ACACA: variants seen among roughly 807,000 people sequenced by gnomAD.
The protein encoded by ACACA is acetyl-CoA carboxylase 1.
In ACACA, 103 loss-of-function variants were observed where a neutral mutation model predicts 296.1. That is an observed-to-expected ratio of 0.35 (90% confidence interval 0.30 to 0.41). The LOEUF is 0.41. Among genes scored for constraint, ACACA ranks in the 10% least tolerant of loss-of-function variants. ACACA has a pLI of 1.00. For synonymous variants in ACACA, 953 were observed against 1,038.6 expected (o/e 0.92, Z 1.58); for missense variants, 1,554 against 2,989.7 (o/e 0.52, Z 11.20).
intron 16 of ACACA, among the ~76,000 whole-genome samples, chr17:37,249,705 G>C (rs1056478494): frequency 1.3e-5 from 2 of 152,164 alleles, no homozygotes; most frequent in African/African-American, 2.4e-5. Context: ...AGTTAAAAAA[G>C]CAAGGTAAAT....
intron 11 of ACACA, among the ~76,000 whole-genome samples, 164 bp from the exon 12 acceptor site, chr17:37,259,694 G>C (rs1598337526): frequency 6.6e-6 from 1 of 151,946 alleles, no homozygotes; most frequent in Non-Finnish European, 1.5e-5. Flanking sequence ...CCTGGACAAG[G>C]ATGAAAAACT....
At chr17:37,227,776 C>T (rs553403138) in intron 25 of ACACA, among the ~76,000 whole-genome samples, 2 of 149,196 alleles carry the variant, frequency 1.3e-5, no homozygotes, top group East Asian at 2.0e-4. Context: ...AGGAGAATGG[C>T]GTGAACCCGG....
At chr17:37,182,239 T>C (rs2077353286) in intron 39 of ACACA, among the ~76,000 whole-genome samples, 1 of 152,072 alleles carries the variant, frequency 6.6e-6, no homozygotes, top group African/African-American at 2.4e-5. Context: ...CTGCCAGAAG[T>C]GGATTTCATC....
chr17:37,300,599 A>G (rs2083573802), intron 3 of ACACA, among the ~76,000 whole-genome samples: 1 of 152,150 alleles, frequency 6.6e-6, no homozygotes, highest in Non-Finnish European at 1.5e-5. Context: ...ACAGAAGTAC[A>G]CAAATGACCT....
chr17:37,167,655 A>C lies in ACACA; in HGVS notation c.5080-5605T>G, dbSNP rs574186084. On this transcript the variant is annotated intron_variant, in intron 41 of 55. Coordinates refer to ENST00000616317, the MANE Select transcript of ACACA (RefSeq NM_198834.3). ...TTTTCTTTACTAGAGAAATTAAGGA[A>C]GTATGTTCCTTAATTAAAAAGATAT... is the stretch of plus-strand genomic sequence containing the variant. 3.3e-5 allele frequency among the ~76,000 whole-genome samples: 5 copies of C among 150,628 alleles called. No homozygotes were observed. The South Asian group carries it at 1.1e-3, about 32-fold the overall frequency.
intron 14 of ACACA, among the ~76,000 whole-genome samples, chr17:37,254,173 G>A (rs552911296): frequency 9.4e-4 from 143 of 152,268 alleles, no homozygotes; most frequent in African/African-American, 3.3e-3. Context: ...ATATATGGCA[G>A]AATATCATCA....
chr17:37,364,608 A>G (rs2049541194), intron 1 of ACACA, among the ~76,000 whole-genome samples: 1 of 93,616 alleles, frequency 1.1e-5, no homozygotes, highest in African/African-American at 5.6e-5. Flanking sequence ...AAAAAAAAGA[A>G]AAAGAAAAGA....
intron 8 of ACACA, chr17:37,274,678 A>G (rs1402650102): frequency 7.1e-6 from 7 of 985,246 alleles, no homozygotes; most frequent in Admixed American, 6.1e-5. Flanking sequence ...AAATAATTCA[A>G]TCTTTATGAG....
At chr17:37,224,966 T>TTTTA (rs2079473965) in intron 27 of ACACA, 26 bp downstream of exon 27, 24 of 912,188 alleles carry the variant, frequency 2.6e-5, no homozygotes, top group East Asian at 9.7e-5. Flanking sequence ...CAGGAAAGGG[T>TTTTA]TATATATATA....
At position 37,097,983 on chromosome 17, in the gene ACACA, C is replaced by G. The variant is rs2073093174; in HGVS notation, c.6567G>C (p.Gly2189=). Residue 2189 remains glycine, a splice_region_variant and synonymous_variant, in exon 53 of 56, where the codon GGG becomes GGC. Coordinates refer to ENST00000616317, the MANE Select transcript of ACACA (RefSeq NM_198834.3). This position sits in a 1 kb window ranked among gnomAD's most constrained non-coding sequence, Gnocchi z 4.8. ...GCTCAGCTGTGCTTAGCTCTGGGGT[C>G]CCTGCAATTAGATAAACATGCCCGT... ...PVYIHLAERL[G]TPELSTAERK... is the part of the protein sequence containing the mutation. The G allele has an allele frequency of 6.2e-7, 1 of 1,614,074 alleles. No homozygotes were observed. The highest frequency in any genetic ancestry group is 8.5e-7 in the Non-Finnish European group (1 of 1,180,044).
At chr17:37,289,713 T>C (rs1427768032) in intron 3 of ACACA, among the ~76,000 whole-genome samples, 1 of 152,244 alleles carries the variant, frequency 6.6e-6, no homozygotes, top group Non-Finnish European at 1.5e-5. Context: ...TGCATTATAG[T>C]ATTTTTGTCA....
At chr17:37,386,778 C>T (rs1197898447) in intron 1 of ACACA, 1 of 151,758 alleles carries the variant, frequency 6.6e-6, no homozygotes, top group Non-Finnish European at 1.5e-5. Flanking sequence ...TATTTAAACA[C>T]TAAGCAATTA....
Position 37,195,857 on chromosome 17 carries a change from T to C in ACACA, c.4159-2442A>G, listed in dbSNP as rs142076816. 3.3e-5 allele frequency among the ~76,000 whole-genome samples: 5 copies of C among 152,308 alleles called. No homozygotes were observed. In the East Asian group the frequency reaches 5.8e-4, roughly 18 times the overall value. On this transcript the variant is annotated intron_variant, in intron 35 of 55. Coordinates refer to ENST00000616317, the MANE Select transcript of ACACA (RefSeq NM_198834.3). ...CTTATTCCATCATCAATGTATTTGC[T>C]TTCCAAGTATTCTACTAGTGTCATG...
chr17:37,373,973 T>A (rs1434085167), intron 1 of ACACA, among the ~76,000 whole-genome samples: 1 of 152,160 alleles, frequency 6.6e-6, no homozygotes, highest in Non-Finnish European at 1.5e-5. Flanking sequence ...GAATAAAGAT[T>A]TCCTTGGACC....
At chr17:37,123,315 G>GAATTATA (rs962456736) in intron 48 of ACACA, among the ~76,000 whole-genome samples, 5 of 152,096 alleles carry the variant, frequency 3.3e-5, no homozygotes, top group African/African-American at 1.2e-4. Context: ...GTCTATATTA[G>GAATTATA]AATTATATAT....
intron 52 of ACACA, among the ~76,000 whole-genome samples, chr17:37,106,434 A>G (rs773697956): frequency 6.6e-6 from 1 of 152,182 alleles, no homozygotes; most frequent in Non-Finnish European, 1.5e-5. Flanking sequence ...TCACATTTGC[A>G]TATTGATTTT....
At chr17:37,365,884 C>G (rs1187199822) in intron 1 of ACACA, 2 of 231,386 alleles carry the variant, frequency 8.6e-6, no homozygotes, top group Non-Finnish European at 1.4e-5. Context: ...ATGGCAAACA[C>G]TTCCAGTCTC....
intron 1 of ACACA, among the ~76,000 whole-genome samples, chr17:37,356,646 A>G (rs2049155176): frequency 6.6e-6 from 1 of 152,094 alleles, no homozygotes; most frequent in Admixed American, 6.6e-5. Context: ...TCAAAGTGCT[A>G]GGATTACAGG....
intron 40 of ACACA, 27 bp from the exon 41 acceptor site, chr17:37,179,433 T>C (rs1443594048): frequency 6.2e-7 from 1 of 1,612,640 alleles, no homozygotes; most frequent in South Asian, 1.1e-5. Context: ...GTTTGACTAA[T>C]CAGTCACAAT....
Sources: gnomAD v4.1 joint callset for allele counts (sites outside exome capture counted in the v4.1 genomes callset) on GRCh38, gnomAD v4.1.1 for gene constraint, Gnocchi (gnomAD v3.1) non-coding constraint, MANE v1.5 for transcripts, NCBI Gene and HGNC (gene_info 2026-07-23, HGNC 2026-07-21) for gene names.